The following SH3PXD2A variants were observed in gnomAD, a reference collection of about 807,000 sequenced individuals.
SH3PXD2A encodes SH3 and PX domains 2A.
In SH3PXD2A, 32 loss-of-function variants were observed where a neutral mutation model predicts 115.2. The ratio of observed to expected loss-of-function variants is 0.28; its 90% CI spans 0.21 to 0.37. SH3PXD2A has a LOEUF of 0.37. Among genes scored for constraint, SH3PXD2A ranks in the 10% least tolerant of loss-of-function variants. SH3PXD2A has a pLI of 1.00. For missense variants in SH3PXD2A, 1,328 were observed against 1,498.7 expected (o/e 0.89, Z 1.88); for synonymous variants, 610 against 629.1 (o/e 0.97, Z 0.45).
chr10:103,714,655 A>G (rs1279583525), intron 5 of SH3PXD2A, among the ~76,000 whole-genome samples: 1 of 152,192 alleles, frequency 6.6e-6, no homozygotes, highest in Non-Finnish European at 1.5e-5. Flanking sequence ...GGGATGGACA[A>G]GGTTTATTTA....
In SH3PXD2A at chr10:103,697,973, G is replaced by A. The variant is rs571413849; in HGVS notation, c.399-4917C>T. Among the ~76,000 whole-genome samples the A allele has an allele frequency of 7.2e-5, 11 of 152,310 alleles. 1 individual carries two copies. In the South Asian group the frequency reaches 2.3e-3, roughly 32 times the overall value. On this transcript the variant is annotated intron_variant, in intron 5 of 14. Coordinates refer to ENST00000369774, the MANE Select transcript of SH3PXD2A (RefSeq NM_001394015.1). ...GGTGCTCACCCATTTCATGGATGAG[G>A]AGATTGAGGTCTGAGGCTTCAGTGG...
chr10:103,623,302 C>T (rs551374228), intron 9 of SH3PXD2A, among the ~76,000 whole-genome samples: 24 of 152,162 alleles, frequency 1.6e-4, no homozygotes, highest in Non-Finnish European at 2.9e-4. Context: ...CTCCTGACCC[C>T]GTGCCCTGAG....
At chr10:103,735,832 G>A in intron 3 of SH3PXD2A, 24 bp from the exon 4 acceptor site, 3 of 1,597,370 alleles carry the variant, frequency 1.9e-6, no homozygotes, top group South Asian at 1.1e-5. Flanking sequence ...GCTCATGAGT[G>A]GGGGATTCTG....
At chr10:103,607,333 G>A (rs1246334066) in intron 13 of SH3PXD2A, among the ~76,000 whole-genome samples, 2 of 151,370 alleles carry the variant, frequency 1.3e-5, no homozygotes, top group African/African-American at 2.4e-5. Flanking sequence ...GAGCCCCTCC[G>A]ACCGGCAGCT....
intron 3 of SH3PXD2A, among the ~76,000 whole-genome samples, chr10:103,757,844 G>A (rs1232157683): frequency 6.6e-6 from 1 of 152,178 alleles, no homozygotes; most frequent in Non-Finnish European, 1.5e-5. Flanking sequence ...CCACAGGCCG[G>A]GAAAGAACTG....
chr10:103,843,589 T>C (rs1387801787), intron 1 of SH3PXD2A, among the ~76,000 whole-genome samples: 1 of 152,206 alleles, frequency 6.6e-6, no homozygotes, highest in Non-Finnish European at 1.5e-5. Flanking sequence ...TATAGCAAGC[T>C]TGTTATCATA....
chr10:103,679,451 G>A (rs1335215121), intron 6 of SH3PXD2A, among the ~76,000 whole-genome samples: 1 of 152,226 alleles, frequency 6.6e-6, no homozygotes, highest in Non-Finnish European at 1.5e-5. Context: ...TAGCCTTCAA[G>A]GGTACCCTCC....
chr10:103,667,758 C>T (rs2134075516), intron 7 of SH3PXD2A, among the ~76,000 whole-genome samples: 1 of 152,288 alleles, frequency 6.6e-6, no homozygotes, highest in South Asian at 2.1e-4. Flanking sequence ...AGGTTTGGGG[C>T]TAGAGGGTCA....
At chr10:103,631,147 C>A (rs2036773864) in intron 8 of SH3PXD2A, among the ~76,000 whole-genome samples, 1 of 152,116 alleles carries the variant, frequency 6.6e-6, no homozygotes, top group African/African-American at 2.4e-5. Flanking sequence ...CACCTGTAGT[C>A]CTATCTACTT....
Position 103,782,493 on chromosome 10 carries a change from T to C in SH3PXD2A, c.154-15324A>G, listed in dbSNP as rs1411229929. ...AAGCGGAGGAGGAGGACAGCAGGCCTCTCTCTCCCATTCCTTCATAACCAG... is the reference window on the plus strand; with the variant it reads ...AAGCGGAGGAGGAGGACAGCAGGCCCCTCTCTCCCATTCCTTCATAACCAG... On this transcript the variant is annotated intron_variant, in intron 2 of 14. Coordinates refer to ENST00000369774, the MANE Select transcript of SH3PXD2A (RefSeq NM_001394015.1). Among the ~76,000 whole-genome samples the C allele has an allele frequency of 2.6e-5, 4 of 152,212 alleles. No individual in the cohort carries two copies. In the East Asian group the frequency reaches 7.7e-4, roughly 29 times the overall value.
intron 2 of SH3PXD2A, 84 bp downstream of exon 2, chr10:103,801,198 G>A: frequency 1.2e-6 from 1 of 812,518 alleles, no homozygotes; most frequent in East Asian, 2.5e-5. Flanking sequence ...AGCTCTCTTG[G>A]GGGCTCCCTG....
At chr10:103,663,369 A>C (rs1421338301) in intron 7 of SH3PXD2A, among the ~76,000 whole-genome samples, 1 of 152,072 alleles carries the variant, frequency 6.6e-6, no homozygotes, top group East Asian at 1.9e-4. Context: ...GCAAGAGACG[A>C]CTCTAGCTCC....
At chr10:103,645,084 C>A (rs1401713925) in intron 8 of SH3PXD2A, among the ~76,000 whole-genome samples, 2 of 152,230 alleles carry the variant, frequency 1.3e-5, no homozygotes, top group African/African-American at 4.8e-5. Flanking sequence ...TGCCAGCCAG[C>A]GTTCTGCTCT....
rs2039136183 is a variant in SH3PXD2A at position 103,800,422 on chromosome 10, C to G, written c.153+860G>C. ...AGCCAAAAGATATAAAATTCTAGAG[C>G]TGCTGACAGCCATATTCCTCAGGGT... On this transcript the variant is annotated intron_variant, in intron 2 of 14. Coordinates refer to ENST00000369774, the MANE Select transcript of SH3PXD2A (RefSeq NM_001394015.1). 3.3e-5 allele frequency among the ~76,000 whole-genome samples: 5 copies of G among 152,188 alleles called. No individual in the cohort carries two copies. The South Asian group carries it at 1.0e-3, about 31-fold the overall frequency.
At chr10:103,854,786 A>T (rs74157362) in intron 1 of SH3PXD2A, among the ~76,000 whole-genome samples, 19,050 of 152,050 alleles carry the variant, frequency 0.13, 2,222 homozygotes, top group African/African-American at 0.31. Flanking sequence ...TTCCTTCTCC[A>T]GGGCGAGCTC....
At chr10:103,807,515 G>A (rs2067690632) in intron 1 of SH3PXD2A, among the ~76,000 whole-genome samples, 1 of 152,204 alleles carries the variant, frequency 6.6e-6, no homozygotes, top group South Asian at 2.1e-4. Flanking sequence ...TCAGCTGGCT[G>A]CACTAGGGCC....
rs868660548 is a variant in SH3PXD2A at position 103,847,474 on chromosome 10, T to C, written c.72+7721A>G. The stretch of plus-strand genomic sequence containing the variant: ...AACTACAGGCGCATGCCTCCACACC[T>C]GGCTTATTCTGGCTTATTTTTTAAT... On this transcript the variant is annotated intron_variant, in intron 1 of 14. Transcript: ENST00000369774. 5.9e-5 allele frequency among the ~76,000 whole-genome samples: 9 copies of C among 152,118 alleles called. No individual in the cohort carries two copies. The South Asian group carries it at 8.3e-4, about 14-fold the overall frequency.
At position 103,713,977 on chromosome 10, in the gene SH3PXD2A, C is replaced by T. The variant is rs116677266; in HGVS notation, c.398+10293G>A. Among the ~76,000 whole-genome samples, 679 of 152,306 alleles carry T rather than the reference C, an allele frequency of 4.5e-3. 9 individuals are homozygous for T. The highest frequency in any genetic ancestry group is 0.016 in the African/African-American group (648 of 41,570). Reference sequence around the variant, plus strand: ...CTCACATAGAGATGATCTAGAAACACTTGCATGAACACACGCCTCCCACAA... The same window carrying T: ...CTCACATAGAGATGATCTAGAAACATTTGCATGAACACACGCCTCCCACAA... On this transcript the variant is annotated intron_variant, in intron 5 of 14. Coordinates refer to ENST00000369774, the MANE Select transcript of SH3PXD2A (RefSeq NM_001394015.1).
rs138636225 is a variant in SH3PXD2A at position 103,847,766 on chromosome 10, C to A, written c.72+7429G>T. On this transcript the variant is annotated intron_variant, in intron 1 of 14. Coordinates refer to ENST00000369774, the MANE Select transcript of SH3PXD2A (RefSeq NM_001394015.1). ...CCAGCCTGGCCAACATGGCAAAACCCCACCTCTACTAAGAATACAAAAATT... is the reference window on the plus strand; with the variant it reads ...CCAGCCTGGCCAACATGGCAAAACCACACCTCTACTAAGAATACAAAAATT... Among the ~76,000 whole-genome samples, 934 of 152,248 alleles carry A rather than the reference C, an allele frequency of 6.1e-3. 10 individuals carry two copies. Among genetic ancestry groups the A allele is most frequent in the African/African-American group, 0.022 (896 of 41,540 alleles).
Sources: allele counts gnomAD v4.1 joint callset (sites outside exome capture counted in the v4.1 genomes callset), GRCh38; gene constraint gnomAD v4.1.1; transcripts MANE v1.5; gene names NCBI Gene and HGNC (gene_info 2026-07-23, HGNC 2026-07-21).